ATP11B: variants seen among roughly 807,000 people sequenced by gnomAD.
ATP11B encodes ATPase phospholipid transporting 11B (putative).
ATP11B carries 81 observed loss-of-function variants against 157.8 expected under a neutral mutation model. The ratio of observed to expected loss-of-function variants is 0.51; its 90% CI spans 0.43 to 0.62. The LOEUF is 0.62. Among genes scored for constraint, ATP11B ranks in the 20% least tolerant of loss-of-function variants. ATP11B has a pLI of 0.00. For missense variants in ATP11B, 1,165 were observed against 1,402.2 expected, an observed-to-expected ratio of 0.83 and a Z score of 2.70; for synonymous variants, 451 against 469.4, an observed-to-expected ratio of 0.96 and a Z score of 0.51.
intron 29 of ATP11B, chr3:182,915,030 G>C: frequency 1.0e-6 from 1 of 985,344 alleles, no homozygotes. Flanking sequence ...CCCAGGAACA[G>C]GTTATAAAGA....
chr3:182,845,425 C>T, intron 8 of ATP11B, 33 bp from the exon 9 acceptor site: 1 of 1,554,248 alleles, frequency 6.4e-7, no homozygotes, highest in Non-Finnish European at 8.7e-7. Flanking sequence ...TTAATATATT[C>T]AGTGCTTTAT....
rs369341236 is a variant in ATP11B at position 182,900,065 on chromosome 3, G to T, written c.3318+1293G>T. Among the ~76,000 whole-genome samples, 35 of 152,222 alleles carry T rather than the reference G, an allele frequency of 2.3e-4. 1 individual carries two copies. In the South Asian group the frequency reaches 7.1e-3, roughly 31 times the overall value. On this transcript the variant is annotated intron_variant, in intron 28 of 29. Coordinates refer to ENST00000323116, the MANE Select transcript of ATP11B (RefSeq NM_014616.3). ...AGAAAAACTACTTCCTAAACATTTG[G>T]TGATGTAAGTTAGGCTTCCTGACCA...
chr3:182,867,943 G>A (rs1372544772), intron 15 of ATP11B, among the ~76,000 whole-genome samples: 1 of 152,110 alleles, frequency 6.6e-6, no homozygotes, highest in African/African-American at 2.4e-5. Flanking sequence ...GGCCTGCAAA[G>A]CCTGAAATAT....
At position 182,913,969 on chromosome 3, in the gene ATP11B, A is replaced by G. The variant is rs371707499; in HGVS notation, c.3427A>G (p.Arg1143Gly). The part of the protein sequence containing the change: ...VGRMLERVIG[R>G]CSPTHISRSW... ...AAGAATGCTGGAACGAGTTATAGGA[A>G]GATGTAGTCCAACCCACATCAGCAG... Residue 1143 changes from arginine to glycine, a missense_variant, in exon 29 of 30, where the codon AGA (arginine) becomes GGA (glycine). This residue lies in a region of ATP11B where 303 missense variants were observed against 296.3 expected (regional missense o/e 1.02). Coordinates refer to ENST00000323116, the MANE Select transcript of ATP11B (RefSeq NM_014616.3). 3.1e-6 allele frequency: 5 copies of G among 1,613,980 alleles called. No individual in the cohort carries two copies. The African/African-American group carries it at 5.3e-5, about 17-fold the overall frequency.
chr3:182,907,441 A>G (rs909557890), intron 28 of ATP11B, among the ~76,000 whole-genome samples: 1 of 152,226 alleles, frequency 6.6e-6, no homozygotes, highest in African/African-American at 2.4e-5. Context: ...CTATTCTATA[A>G]GATACAGTTT....
intron 4 of ATP11B, 134 bp from the exon 5 acceptor site, chr3:182,835,901 A>G: frequency 1.7e-6 from 1 of 600,198 alleles, no homozygotes; most frequent in Non-Finnish European, 2.9e-6. Context: ...ACCTATGAGC[A>G]TGTGCATCCA....
At chr3:182,875,526 C>T (rs1346434839) in intron 19 of ATP11B, among the ~76,000 whole-genome samples, 1 of 152,182 alleles carries the variant, frequency 6.6e-6, no homozygotes, top group Non-Finnish European at 1.5e-5. Context: ...ACCACAACCT[C>T]CGCCTTCCGG....
chr3:182,865,702 A>G lies in ATP11B; in HGVS notation c.1443+4A>G. The G allele has an allele frequency of 6.3e-7, 1 of 1,593,920 alleles. No individual in the cohort carries two copies. The stretch of plus-strand genomic sequence containing the variant: ...TCCTGAAAATGAAACTGAACTAGTA[A>G]GTAATTTTTAAATTAATAAATAAGG... On this transcript the variant is annotated splice_donor_region_variant and intron_variant, in intron 13 of 29. Coordinates refer to ENST00000323116, the MANE Select transcript of ATP11B (RefSeq NM_014616.3).
At chr3:182,798,978 C>T (rs1030627297) in intron 1 of ATP11B, among the ~76,000 whole-genome samples, 7 of 152,194 alleles carry the variant, frequency 4.6e-5, no homozygotes, top group Admixed American at 3.9e-4. Flanking sequence ...TTCTGTTCTA[C>T]AGCATTGTTT....
intron 25 of ATP11B, among the ~76,000 whole-genome samples, chr3:182,891,990 A>G (rs1286229432): frequency 3.3e-5 from 5 of 152,198 alleles, no homozygotes; most frequent in African/African-American, 1.2e-4. Flanking sequence ...AGTATTCACT[A>G]CGTCTTAGCA....
chr3:182,879,476 ATAATTAT>A lies in ATP11B; in HGVS notation c.2253-18_2253-12del. Reference sequence around the variant, plus strand: ...GGCTTCAAAGTATCTTACAGAGAATATAATTATTTTCTCTTTTAGAATTACAGAGGAT... The same window carrying A: ...GGCTTCAAAGTATCTTACAGAGAATATTTCTCTTTTAGAATTACAGAGGAT... On this transcript the variant is annotated splice_polypyrimidine_tract_variant and intron_variant, in intron 19 of 29. Transcript: ENST00000323116. The A allele has an allele frequency of 6.3e-7, 1 of 1,583,140 alleles. No homozygotes were observed. Among genetic ancestry groups the A allele is most frequent in the Non-Finnish European group, 8.6e-7 (1 of 1,167,978 alleles).
intron 28 of ATP11B, among the ~76,000 whole-genome samples, chr3:182,900,891 A>T (rs929471394): frequency 1.3e-5 from 2 of 151,870 alleles, no homozygotes; most frequent in East Asian, 1.9e-4. Context: ...ACTAAAAATT[A>T]AAAAAATAGG....
At chr3:182,851,913 C>CATACAAAGATATAAATAGGTTG (rs1720008873) in intron 10 of ATP11B, among the ~76,000 whole-genome samples, 2 of 152,138 alleles carry the variant, frequency 1.3e-5, no homozygotes, top group Admixed American at 1.3e-4. Context: ...ATACAGTTTA[C>CATACAAAGATATAAATAGGTTG]ATACAAAGAT....
chr3:182,816,275 T>A (rs1181143099), intron 1 of ATP11B, among the ~76,000 whole-genome samples: 4 of 152,196 alleles, frequency 2.6e-5, no homozygotes, highest in Non-Finnish European at 5.9e-5. Context: ...CCAGGGTGGC[T>A]GGAATAGCAT....
chr3:182,915,866 AATTT>A, intron 29 of ATP11B: 1 of 968,496 alleles, frequency 1.0e-6, no homozygotes, highest in Non-Finnish European at 1.2e-6. Context: ...TTTTTTTCTG[AATTT>A]TTTTATTCTC....
At chr3:182,882,381 G>T (rs1722487633) in intron 21 of ATP11B, among the ~76,000 whole-genome samples, 1 of 151,744 alleles carries the variant, frequency 6.6e-6, no homozygotes, top group African/African-American at 2.4e-5. Context: ...ATGATAACAG[G>T]CAGACCAGTG....
chr3:182,881,003 G>C, intron 21 of ATP11B, 22 bp downstream of exon 21: 1 of 1,536,594 alleles, frequency 6.5e-7, no homozygotes, highest in Non-Finnish European at 8.8e-7. Context: ...TTCCTGAAAA[G>C]TTTTTCCTGA....
chr3:182,833,001 G>T (rs1718269739), intron 4 of ATP11B, among the ~76,000 whole-genome samples: 1 of 151,922 alleles, frequency 6.6e-6, no homozygotes, highest in Admixed American at 6.6e-5. Context: ...TTTCAAATCA[G>T]TAGGTAAAAT....
chr3:182,834,787 C>T (rs1351957939), intron 4 of ATP11B, among the ~76,000 whole-genome samples: 2 of 152,176 alleles, frequency 1.3e-5, no homozygotes, highest in African/African-American at 4.8e-5. Flanking sequence ...GACCCTTGAA[C>T]AATGCAGGGA....
Sources: allele counts gnomAD v4.1 joint callset (sites outside exome capture counted in the v4.1 genomes callset), GRCh38; gene constraint gnomAD v4.1.1; regional missense constraint gnomAD v4.1.1; transcripts MANE v1.5; gene names NCBI Gene and HGNC (gene_info 2026-07-23, HGNC 2026-07-21).